NIM1K: variants seen among roughly 807,000 people sequenced by gnomAD.
The protein encoded by NIM1K is serine/threonine-protein kinase NIM1.
Under a neutral mutation model 37.1 loss-of-function variants are expected in NIM1K, and 35 were observed. The observed-to-expected ratio is 0.94, with a 90% CI of 0.72 to 1.25. The LOEUF is 1.25. Ranked by LOEUF, NIM1K falls within the 50% of genes most tolerant of loss-of-function variation. The pLI is 0.00. For missense variants in NIM1K, 564 were observed against 548.0 expected, an observed-to-expected ratio of 1.03 and a Z score of -0.29; for synonymous variants, 234 against 206.6, an observed-to-expected ratio of 1.13 and a Z score of -1.14.
intron 1 of NIM1K, among the ~76,000 whole-genome samples, chr5:43,194,556 T>C (rs1751882567): frequency 2.6e-5 from 4 of 152,204 alleles, no homozygotes; most frequent in Admixed American, 2.6e-4. Flanking sequence ...TAGAGCCCTT[T>C]ATATTCTTGG....
intron 1 of NIM1K, among the ~76,000 whole-genome samples, chr5:43,220,499 G>A (rs1195548936): frequency 2.6e-5 from 4 of 151,722 alleles, no homozygotes; most frequent in African/African-American, 4.8e-5. Flanking sequence ...CAGGCTGATC[G>A]CAAACTCCTG....
At chr5:43,276,377 T>C (rs1753340783) in intron 2 of NIM1K, among the ~76,000 whole-genome samples, 1 of 152,178 alleles carries the variant, frequency 6.6e-6, no homozygotes, top group African/African-American at 2.4e-5. Context: ...CAAGATCCCA[T>C]CACTTTTAAA....
At chr5:43,276,302 C>G (rs1310448940) in intron 2 of NIM1K, among the ~76,000 whole-genome samples, 1 of 152,234 alleles carries the variant, frequency 6.6e-6, no homozygotes, top group East Asian at 1.9e-4. Context: ...AAGCTCCAAT[C>G]ATGGTGGAAG....
At chr5:43,197,765 T>C (rs1751939901) in intron 1 of NIM1K, among the ~76,000 whole-genome samples, 2 of 152,212 alleles carry the variant, frequency 1.3e-5, no homozygotes, top group Non-Finnish European at 2.9e-5. Context: ...CTTCCAGATG[T>C]TCTCTTTTGG....
intron 2 of NIM1K, among the ~76,000 whole-genome samples, chr5:43,248,715 A>G (rs1017773928): frequency 2.0e-5 from 3 of 152,088 alleles, no homozygotes; most frequent in Non-Finnish European, 4.4e-5. Flanking sequence ...CAGGAGAGCC[A>G]GAGGTATAAG....
At chr5:43,252,282 T>C (rs775900510) in intron 2 of NIM1K, among the ~76,000 whole-genome samples, 8 of 152,058 alleles carry the variant, frequency 5.3e-5, no homozygotes, top group Non-Finnish European at 1.0e-4. Flanking sequence ...GGTGGGTGCC[T>C]TGTGTGGCCT....
chr5:43,241,870 T>C (rs1208339660), intron 1 of NIM1K, among the ~76,000 whole-genome samples: 1 of 151,952 alleles, frequency 6.6e-6, no homozygotes, highest in Non-Finnish European at 1.5e-5. Flanking sequence ...CTGATTCTTT[T>C]CTAGTATTTC....
intron 1 of NIM1K, among the ~76,000 whole-genome samples, chr5:43,211,102 G>A (rs1167132175): frequency 6.6e-6 from 1 of 152,132 alleles, no homozygotes; most frequent in African/African-American, 2.4e-5. Flanking sequence ...AACCCAGGAG[G>A]CAAAGGTTGC....
intron 2 of NIM1K, among the ~76,000 whole-genome samples, chr5:43,248,014 G>T (rs1326680547): frequency 1.3e-5 from 2 of 152,146 alleles, no homozygotes; most frequent in African/African-American, 2.4e-5. Context: ...ACCAGAATTT[G>T]AAAAACATAG....
rs368925912 is a variant in NIM1K at position 43,280,213 on chromosome 5, G to T, written c.795G>T (p.Val265=). The change falls in exon 4 of 4, where the codon GTG becomes GTT. Residue 265 remains valine (V), a synonymous_variant. Coordinates refer to ENST00000326035, the MANE Select transcript of NIM1K (RefSeq NM_153361.4). ...WALGVLLYFM[V]TGTMPFRAET... is the part of the protein sequence containing the mutation. ...TGGGGGTGCTTTTGTACTTCATGGT[G>T]ACTGGCACCATGCCATTTCGGGCAG... 5.0e-6 allele frequency: 8 copies of T among 1,614,064 alleles called. No homozygotes were observed. The highest frequency in any genetic ancestry group is 6.8e-6 in the Non-Finnish European group (8 of 1,180,046).
chr5:43,235,392 T>C (rs1752606601), intron 1 of NIM1K, among the ~76,000 whole-genome samples: 1 of 152,202 alleles, frequency 6.6e-6, no homozygotes, highest in Admixed American at 6.6e-5. Context: ...CTCTTAAGCA[T>C]TTTTGTTTTT....
chr5:43,240,784 A>G (rs1579974561), intron 1 of NIM1K, among the ~76,000 whole-genome samples: 1 of 151,214 alleles, frequency 6.6e-6, no homozygotes, highest in African/African-American at 2.4e-5. Flanking sequence ...TGATCCACCC[A>G]CCTCAGCCTC....
chr5:43,277,384 G>A, intron 3 of NIM1K, 59 bp downstream of exon 3: 9 of 1,552,252 alleles, frequency 5.8e-6, no homozygotes, highest in Middle Eastern at 2.1e-4. Context: ...GGGAGCACAG[G>A]GCTTTAGGTT....
intron 2 of NIM1K, among the ~76,000 whole-genome samples, chr5:43,252,183 G>C (rs1752875889): frequency 6.6e-6 from 1 of 152,098 alleles, no homozygotes; most frequent in Non-Finnish European, 1.5e-5. Context: ...GGGTTCCAAA[G>C]ACTTCTTGTC....
At chr5:43,268,134 G>T (rs778811140) in intron 2 of NIM1K, among the ~76,000 whole-genome samples, 5 of 152,132 alleles carry the variant, frequency 3.3e-5, no homozygotes, top group African/African-American at 9.7e-5. Context: ...GAGCTCCATA[G>T]TTAGGTACAC....
intron 1 of NIM1K, among the ~76,000 whole-genome samples, chr5:43,230,759 A>T (rs1386624401): frequency 6.6e-6 from 1 of 151,834 alleles, no homozygotes; most frequent in African/African-American, 2.4e-5. Flanking sequence ...GGGGATAACA[A>T]CCCCCATCAC....
At chr5:43,213,176 TC>T (rs1561074645) in intron 1 of NIM1K, among the ~76,000 whole-genome samples, 29 of 74,692 alleles carry the variant, frequency 3.9e-4, no homozygotes, top group Non-Finnish European at 6.5e-4. Context: ...TTTCTTTCTT[TC>T]TTTCTTTCTT....
intron 1 of NIM1K, among the ~76,000 whole-genome samples, chr5:43,233,921 G>A (rs1370332203): frequency 1.3e-5 from 2 of 152,142 alleles, no homozygotes; most frequent in South Asian, 4.1e-4. Context: ...TTTGTTTGGA[G>A]GCAGGCATAG....
chr5:43,272,119 C>T (rs1753265524), intron 2 of NIM1K, among the ~76,000 whole-genome samples: 1 of 152,154 alleles, frequency 6.6e-6, no homozygotes, highest in South Asian at 2.1e-4. Context: ...AATAAAGCAA[C>T]TAATGATGTT....
Sources: allele counts gnomAD v4.1 joint callset (sites outside exome capture counted in the v4.1 genomes callset), GRCh38; gene constraint gnomAD v4.1.1; transcripts MANE v1.5; gene names NCBI Gene and HGNC (gene_info 2026-07-23, HGNC 2026-07-21).